Variants in AGMO observed in about 807,000 individuals in gnomAD.
AGMO encodes the protein alkylglycerol monooxygenase.
Under a neutral mutation model 60.2 loss-of-function variants are expected in AGMO, and 75 were observed. That is an observed-to-expected ratio of 1.25 (90% confidence interval 1.03 to 1.51). The LOEUF (loss-of-function observed/expected upper bound fraction) is 1.51. AGMO is among the 40% of genes most tolerant of loss of function. The pLI is 0.00. For missense variants in AGMO, 763 were observed against 525.5 expected (o/e 1.45, Z -4.42); for synonymous variants, 261 against 177.1 (o/e 1.47, Z -3.76).
At position 15,357,766 on chromosome 7, in the gene AGMO, A is replaced by G. The variant is rs138555063; in HGVS notation, c.1263+7748T>C. Among the ~76,000 whole-genome samples the G allele has an allele frequency of 9.5e-3, 1,445 of 152,296 alleles. 29 individuals carry two copies. Among genetic ancestry groups the G allele is most frequent in the African/African-American group, 0.034 (1,413 of 41,548 alleles). Reference sequence around the variant, plus strand: ...GTCTTTCCACATTCGCTTTTATCTGAGCTGATTATGTGGAATACTGCTGAA... The same window carrying G: ...GTCTTTCCACATTCGCTTTTATCTGGGCTGATTATGTGGAATACTGCTGAA... On this transcript the variant is annotated intron_variant, in intron 12 of 12. Transcript: ENST00000342526.
downstream of AGMO, among the ~76,000 whole-genome samples, chr7:15,198,198 AGAG>A (rs1781170475): frequency 1.2e-4 from 2 of 16,166 alleles, no homozygotes; most frequent in Non-Finnish European, 2.3e-4. Context: ...GGCTTTCCCG[AGAG>A]AGAGAGAGAG....
rs1010291312 is a variant in AGMO, at chr7:15,445,712, T to C, written c.410-14604A>G. On this transcript the variant is annotated intron_variant, in intron 3 of 12. Coordinates refer to ENST00000342526, the MANE Select transcript of AGMO (RefSeq NM_001004320.2). ...AAACAAAGAATATGACTACACCAAATGTCCCAGACATTTTTAAGTTCCCAA... is the reference window on the plus strand; with the variant it reads ...AAACAAAGAATATGACTACACCAAACGTCCCAGACATTTTTAAGTTCCCAA... 1.1e-4 allele frequency among the ~76,000 whole-genome samples: 16 copies of C among 152,198 alleles called. No individual in the cohort carries two copies. The East Asian group carries it at 2.7e-3, about 26-fold the overall frequency.
At chr7:15,355,225 G>A (rs568117107) in intron 12 of AGMO, among the ~76,000 whole-genome samples, 3 of 152,066 alleles carry the variant, frequency 2.0e-5, no homozygotes, top group African/African-American at 4.8e-5. Flanking sequence ...AATATTGGCT[G>A]GGCACGGTGG....
chr7:15,304,184 A>G (rs1780542727), intron 12 of AGMO, among the ~76,000 whole-genome samples: 1 of 152,146 alleles, frequency 6.6e-6, no homozygotes, highest in African/African-American at 2.4e-5. Context: ...TTCCCCCATT[A>G]CAATACAAAT....
chr7:15,548,923 C>G (rs1179942261), intron 2 of AGMO, among the ~76,000 whole-genome samples: 7 of 146,386 alleles, frequency 4.8e-5, no homozygotes, highest in Non-Finnish European at 8.9e-5. Context: ...AGAGAAAGGT[C>G]GGGTTACCCT....
At chr7:15,431,279 C>G (rs763370820) in intron 3 of AGMO, among the ~76,000 whole-genome samples, 171 bp from the exon 4 acceptor site, 2 of 151,632 alleles carry the variant, frequency 1.3e-5, no homozygotes, top group Non-Finnish European at 3.0e-5. Flanking sequence ...TTTTTGGAAC[C>G]AAAGACTGTA....
At chr7:15,542,090 T>C (rs1461551782) in intron 3 of AGMO, among the ~76,000 whole-genome samples, 1 of 152,178 alleles carries the variant, frequency 6.6e-6, no homozygotes, top group East Asian at 1.9e-4. Context: ...GGGTTTTTTT[T>C]AGCCCTGTGT....
chr7:15,143,977 TTAA>T, the AGMO span, among the ~76,000 whole-genome samples: 2 of 152,212 alleles, frequency 1.3e-5, no homozygotes, highest in African/African-American at 2.4e-5. Context: ...ATAGGAATCT[TTAA>T]GGTATAAACA....
At chr7:15,376,824 A>G (rs749883168) in intron 10 of AGMO, among the ~76,000 whole-genome samples, 2 of 152,110 alleles carry the variant, frequency 1.3e-5, no homozygotes, top group Non-Finnish European at 2.9e-5. Context: ...AATCAACATA[A>G]AAGTCCGTGG....
the AGMO span, among the ~76,000 whole-genome samples, chr7:15,129,653 C>G: frequency 6.6e-6 from 1 of 152,084 alleles, no homozygotes; most frequent in Non-Finnish European, 1.5e-5. Context: ...CCACCTGGGG[C>G]CAGGATGAAG....
intron 12 of AGMO, among the ~76,000 whole-genome samples, chr7:15,256,747 G>C (rs1406711675): frequency 1.3e-5 from 2 of 152,152 alleles, no homozygotes; most frequent in African/African-American, 4.8e-5. Flanking sequence ...TGCTGCACAG[G>C]TTTGTCGCCT....
At chr7:15,490,351 TA>T (rs1783038406) in intron 3 of AGMO, among the ~76,000 whole-genome samples, 1 of 152,118 alleles carries the variant, frequency 6.6e-6, no homozygotes, top group Non-Finnish European at 1.5e-5. Context: ...AGAATGTGCA[TA>T]AAAATCTAAA....
At chr7:15,548,490 A>C (rs1280236633) in intron 2 of AGMO, among the ~76,000 whole-genome samples, 4 of 152,178 alleles carry the variant, frequency 2.6e-5, no homozygotes, top group African/African-American at 7.2e-5. Flanking sequence ...TGGAGCTGAA[A>C]ACCAAGGCTC....
At chr7:15,323,409 CTTCCT>C (rs1432373147) in intron 12 of AGMO, among the ~76,000 whole-genome samples, 1 of 152,078 alleles carries the variant, frequency 6.6e-6, no homozygotes, top group East Asian at 1.9e-4. Context: ...ATCCCATCAC[CTTCCT>C]TTCAAGGGGG....
chr7:15,463,683 G>C (rs532129603), intron 3 of AGMO, among the ~76,000 whole-genome samples: 2 of 152,174 alleles, frequency 1.3e-5, no homozygotes, highest in Admixed American at 1.3e-4. Flanking sequence ...CATCTATCTA[G>C]AGGTGTGAAA....
intron 12 of AGMO, among the ~76,000 whole-genome samples, chr7:15,288,045 A>G (rs934357746): frequency 9.2e-5 from 14 of 151,666 alleles, no homozygotes; most frequent in Non-Finnish European, 1.5e-5. Flanking sequence ...TTTTTTTTTA[A>G]TGGCATCTGG....
At position 15,413,234 on chromosome 7, in the gene AGMO, A is replaced by G. The variant is rs1254773450; in HGVS notation, c.609+5324T>C. Among the ~76,000 whole-genome samples the G allele has an allele frequency of 2.0e-5, 3 of 152,304 alleles. No homozygotes were observed. In the East Asian group the frequency reaches 5.8e-4, roughly 29 times the overall value. ...AATGGATTCAATAGCAGCTTGGAGA[A>G]AGTAGGTAAAAGATTAAATAAACTT... On this transcript the variant is annotated intron_variant, in intron 5 of 12. Coordinates refer to ENST00000342526, the MANE Select transcript of AGMO (RefSeq NM_001004320.2).
the AGMO span, among the ~76,000 whole-genome samples, chr7:15,156,096 C>G: frequency 6.6e-6 from 1 of 152,130 alleles, no homozygotes; most frequent in African/African-American, 2.4e-5. Flanking sequence ...GTGGGGGGTC[C>G]TTGTACATAT....
chr7:15,289,064 A>G (rs1784182768), intron 12 of AGMO, among the ~76,000 whole-genome samples: 1 of 151,524 alleles, frequency 6.6e-6, no homozygotes, highest in African/African-American at 2.4e-5. Context: ...TTCTTTTCCT[A>G]TTGTTTTCAA....
Sources: gnomAD v4.1 joint callset for allele counts (sites outside exome capture counted in the v4.1 genomes callset) on GRCh38, gnomAD v4.1.1 for gene constraint, MANE v1.5 for transcripts, NCBI Gene and HGNC (gene_info 2026-07-23, HGNC 2026-07-21) for gene names.